The following CACNA1E variants were observed in gnomAD, a reference collection of about 807,000 sequenced individuals.
CACNA1E encodes calcium voltage-gated channel subunit alpha1 E.
Under a neutral mutation model 259.2 loss-of-function variants are expected in CACNA1E, and 40 were observed. The observed-to-expected ratio is 0.15, with a 90% CI of 0.12 to 0.20. CACNA1E has a LOEUF of 0.20. CACNA1E is among the 10% of genes least tolerant of loss of function. The probability of loss-of-function intolerance (pLI) is 1.00; values close to 1 mark genes in which losing one functional copy is unlikely to be tolerated. For missense variants in CACNA1E, 1,874 were observed against 3,040.1 expected, an observed-to-expected ratio of 0.62 and a Z score of 9.02; for synonymous variants, 1,104 against 1,138.5, an observed-to-expected ratio of 0.97 and a Z score of 0.61.
intron 2 of CACNA1E, among the ~76,000 whole-genome samples, chr1:181,454,320 C>T (rs1389172010): frequency 1.3e-5 from 2 of 152,360 alleles, no homozygotes; most frequent in South Asian, 2.1e-4. Flanking sequence ...GACTCTTAAC[C>T]TTCTCTGTAC....
intron 2 of CACNA1E, among the ~76,000 whole-genome samples, chr1:181,468,583 T>A (rs189141518): frequency 6.5e-4 from 99 of 152,332 alleles, no homozygotes; most frequent in Non-Finnish European, 1.1e-3. Flanking sequence ...CAAAGATGAA[T>A]GAGCCAAGCC....
intron 14 of CACNA1E, 90 bp from the exon 15 acceptor site, chr1:181,720,693 A>G: frequency 1.2e-6 from 1 of 800,488 alleles, no homozygotes; most frequent in Non-Finnish European, 2.1e-6. Context: ...AGAAAGGAGA[A>G]AAGAAGTGAT....
At chr1:181,341,251 G>A (rs934561237) in intron 1 of CACNA1E, among the ~76,000 whole-genome samples, 2 of 152,162 alleles carry the variant, frequency 1.3e-5, no homozygotes, top group Non-Finnish European at 2.9e-5. Flanking sequence ...CAAAATGCTT[G>A]GAGCACGCCC....
chr1:181,549,540 C>T (rs1229922867), intron 3 of CACNA1E, among the ~76,000 whole-genome samples: 2 of 152,198 alleles, frequency 1.3e-5, no homozygotes, highest in Admixed American at 6.5e-5. Flanking sequence ...CACATTCATT[C>T]ATCTCTTTCC....
chr1:181,771,295 AT>A lies in CACNA1E; in HGVS notation c.4887del (p.Phe1629LeufsTer4). ...TTTCTGTTGTTTCTCTCCTCAAGGT[AT>A]TTGGAAACATAAAATTAGACGAGGA... is the stretch of plus-strand genomic sequence containing the variant. ...FIYAIIGMQV[F>X]GNIKLDEESH... On this transcript the variant is annotated frameshift_variant, in exon 36 of 48. Coordinates refer to ENST00000367573, the MANE Select transcript of CACNA1E (RefSeq NM_001205293.3). LOFTEE classifies it high-confidence loss of function. The A allele has an allele frequency of 6.5e-7, 1 of 1,542,504 alleles. No homozygotes were observed. Among genetic ancestry groups the A allele is most frequent in the Admixed American group, 1.8e-5 (1 of 55,084 alleles).
intron 1 of CACNA1E, among the ~76,000 whole-genome samples, chr1:181,494,276 T>A (rs1664553762): frequency 6.6e-6 from 1 of 152,188 alleles, no homozygotes; most frequent in Admixed American, 6.5e-5. Flanking sequence ...ACATCAGCAT[T>A]TAACACATTA....
chr1:181,740,349 G>C (rs1656451016), intron 25 of CACNA1E, among the ~76,000 whole-genome samples: 1 of 152,184 alleles, frequency 6.6e-6, no homozygotes, highest in Non-Finnish European at 1.5e-5. Context: ...TTTAGAAAGA[G>C]ATCACCCTTG....
At chr1:181,464,417 A>C (rs1263417169) in intron 2 of CACNA1E, among the ~76,000 whole-genome samples, 1 of 151,698 alleles carries the variant, frequency 6.6e-6, no homozygotes, top group East Asian at 1.9e-4. Context: ...GAGAGTTGAA[A>C]ATTTTTCTTT....
intron 1 of CACNA1E, among the ~76,000 whole-genome samples, chr1:181,504,775 G>A (rs1417175323): frequency 6.6e-6 from 1 of 152,234 alleles, no homozygotes; most frequent in Non-Finnish European, 1.5e-5. Context: ...AAGGAAACAA[G>A]TCAACCATTC....
At chr1:181,522,781 A>G (rs750200687) in intron 3 of CACNA1E, among the ~76,000 whole-genome samples, 3 of 152,208 alleles carry the variant, frequency 2.0e-5, no homozygotes, top group Non-Finnish European at 2.9e-5. Flanking sequence ...CAGGTCACCC[A>G]GATGGATCCT....
intron 3 of CACNA1E, among the ~76,000 whole-genome samples, chr1:181,576,279 T>C (rs1650968858): frequency 6.6e-6 from 1 of 152,244 alleles, no homozygotes; most frequent in East Asian, 1.9e-4. Context: ...CTTTACCCCA[T>C]GTAGGATCCC....
intron 6 of CACNA1E, among the ~76,000 whole-genome samples, chr1:181,642,967 A>G (rs566358988): frequency 5.3e-5 from 8 of 152,314 alleles, no homozygotes; most frequent in African/African-American, 1.9e-4. Flanking sequence ...TATAAAAATA[A>G]TTTTTAAGAA....
chr1:181,425,535 C>A (rs1175250044), intron 2 of CACNA1E, among the ~76,000 whole-genome samples: 2 of 118,888 alleles, frequency 1.7e-5, no homozygotes, highest in Non-Finnish European at 3.3e-5. Flanking sequence ...CCCCGCTCCC[C>A]CCCCCGACCC....
chr1:181,478,897 G>A (rs1242817372), upstream of CACNA1E, among the ~76,000 whole-genome samples: 2 of 152,224 alleles, frequency 1.3e-5, no homozygotes, highest in African/African-American at 4.8e-5. Context: ...CTTGTTTTCT[G>A]CCTTTTCCAG....
rs1184683894 is a variant in CACNA1E, at chr1:181,453,647, G to A, written c.435-30097G>A. 4.6e-5 allele frequency among the ~76,000 whole-genome samples: 7 copies of A among 152,190 alleles called. No individual in the cohort carries two copies. The South Asian group carries it at 8.3e-4, about 18-fold the overall frequency. The stretch of plus-strand genomic sequence containing the variant: ...TTCTCTTTTATATCCTGCTCCAGAA[G>A]TGTAGGGGTTGGTGGCAGAATCCCG... On this transcript the variant is annotated intron_variant, in intron 2 of 11. Transcript: ENST00000524607.
intron 6 of CACNA1E, among the ~76,000 whole-genome samples, chr1:181,593,688 AC>A (rs1319761720): frequency 6.6e-6 from 1 of 152,064 alleles, no homozygotes; most frequent in African/African-American, 2.4e-5. Context: ...ACAGGCACCC[AC>A]CACCACACCC....
chr1:181,511,072 A>G, intron 2 of CACNA1E, among the ~76,000 whole-genome samples: 1 of 152,232 alleles, frequency 6.6e-6, no homozygotes, highest in East Asian at 1.9e-4. Context: ...TTATGTGAAG[A>G]GCAGCAAACT....
chr1:181,552,006 C>CA, intron 3 of CACNA1E, among the ~76,000 whole-genome samples: 1 of 152,250 alleles, frequency 6.6e-6, no homozygotes, highest in South Asian at 2.1e-4. Context: ...ATCAAAGTGA[C>CA]AACCACTTGC....
At chr1:181,340,212 A>G (rs1301009755) in intron 1 of CACNA1E, among the ~76,000 whole-genome samples, 1 of 151,994 alleles carries the variant, frequency 6.6e-6, no homozygotes, top group Non-Finnish European at 1.5e-5. Context: ...TTATTGAATT[A>G]TTCATCTCTT....
Sources: gnomAD v4.1 joint callset for allele counts (sites outside exome capture counted in the v4.1 genomes callset) on GRCh38, gnomAD v4.1.1 for gene constraint, MANE v1.5 for transcripts, NCBI Gene and HGNC (gene_info 2026-07-23, HGNC 2026-07-21) for gene names.